Variants in BANK1 observed in about 807,000 individuals in gnomAD.
The protein encoded by BANK1 is B-cell scaffold protein with ankyrin repeats.
In BANK1, 95 loss-of-function variants were observed where a neutral mutation model predicts 94.5. The observed-to-expected ratio is 1.00, with a 90% confidence interval of 0.85 to 1.19. BANK1 has a LOEUF of 1.19. Ranked by LOEUF, BANK1 falls within the 50% of genes most tolerant of loss-of-function variation. The probability of loss-of-function intolerance (pLI) is 0.00; values close to 1 mark genes in which losing one functional copy is unlikely to be tolerated. For synonymous variants in BANK1, 334 were observed against 308.4 expected, an observed-to-expected ratio of 1.08 and a Z score of -0.87; for missense variants, 987 against 932.2, an observed-to-expected ratio of 1.06 and a Z score of -0.77.
intron 2 of BANK1, among the ~76,000 whole-genome samples, chr4:101,854,731 T>C (rs1322985098): frequency 6.6e-6 from 1 of 152,192 alleles, no homozygotes; most frequent in Admixed American, 6.5e-5. Flanking sequence ...TTTACAGATC[T>C]ACTGTTTTAA....
intron 10 of BANK1, among the ~76,000 whole-genome samples, chr4:102,037,250 C>T (rs538553504): frequency 6.6e-6 from 1 of 152,232 alleles, no homozygotes; most frequent in Non-Finnish European, 1.5e-5. Context: ...AAATGTCTTA[C>T]ATGCACTGGA....
chr4:101,911,330 G>T (rs962440709), intron 6 of BANK1, among the ~76,000 whole-genome samples: 3 of 152,162 alleles, frequency 2.0e-5, no homozygotes, highest in African/African-American at 7.2e-5. Context: ...AAGTTTTCCT[G>T]CCTAATTATA....
intron 5 of BANK1, among the ~76,000 whole-genome samples, chr4:101,882,317 T>G (rs1415397034): frequency 2.6e-5 from 4 of 152,208 alleles, no homozygotes; most frequent in Non-Finnish European, 5.9e-5. Context: ...TGAAATTGAA[T>G]AAATGATCTG....
Position 102,072,359 on chromosome 4 carries a change from C to A in BANK1, c.2257C>A (p.His753Asn). Residue 753 changes from histidine to asparagine, a missense_variant, in exon 15 of 17, where the codon CAC becomes AAC. His to Asn is a moderately conservative substitution (Grantham distance 68, BLOSUM62 1). Coordinates refer to ENST00000322953, the MANE Select transcript of BANK1 (RefSeq NM_017935.5). The stretch of plus-strand genomic sequence containing the variant: ...TGTATTTCTAGGTAAGGAAACTGCC[C>A]ACAATGAAAATAAGTTTTATAATGT... ...VHHPGGKETA[H>N]NENKFYNVHF... 6.3e-7 allele frequency: 1 copy of A among 1,593,738 alleles called. No individual in the cohort carries two copies.
At chr4:101,874,689 C>A (rs1728421330) in intron 5 of BANK1, among the ~76,000 whole-genome samples, 1 of 152,160 alleles carries the variant, frequency 6.6e-6, no homozygotes, top group Non-Finnish European at 1.5e-5. Context: ...TTCACAGGCG[C>A]ATCTTTTCCA....
At chr4:101,831,118 C>G (rs1486464006) in intron 2 of BANK1, among the ~76,000 whole-genome samples, 2 of 152,114 alleles carry the variant, frequency 1.3e-5, no homozygotes, top group Non-Finnish European at 2.9e-5. Context: ...GAGATACCTC[C>G]TGGCTGGGTG....
chr4:102,030,645 TG>T, intron 10 of BANK1, among the ~76,000 whole-genome samples: 1 of 149,956 alleles, frequency 6.7e-6, no homozygotes, highest in Non-Finnish European at 1.5e-5. Context: ...TGTGTCCATG[TG>T]TTCTCATCTT....
chr4:101,941,823 T>C (rs1723753490), intron 7 of BANK1, among the ~76,000 whole-genome samples: 1 of 151,856 alleles, frequency 6.6e-6, no homozygotes. Flanking sequence ...TTTTGACAAT[T>C]GAGTACTGCT....
intron 5 of BANK1, among the ~76,000 whole-genome samples, chr4:101,893,032 A>C (rs934721439): frequency 2.0e-5 from 3 of 152,046 alleles, no homozygotes; most frequent in African/African-American, 7.2e-5. Flanking sequence ...ATGATTATTA[A>C]ATTAAAATAG....
intron 2 of BANK1, among the ~76,000 whole-genome samples, chr4:101,842,017 C>A (rs1727067015): frequency 6.6e-6 from 1 of 152,014 alleles, no homozygotes; most frequent in Non-Finnish European, 1.5e-5. Context: ...GAAGAATTTT[C>A]TGGTACTTCA....
intron 2 of BANK1, among the ~76,000 whole-genome samples, chr4:101,840,210 C>T (rs1056805663): frequency 4.6e-5 from 7 of 151,244 alleles, no homozygotes; most frequent in East Asian, 1.9e-4. Context: ...CCTCGTGATC[C>T]GCCCGCCTCG....
chr4:101,887,823 AAATT>A (rs1372226135), intron 5 of BANK1, among the ~76,000 whole-genome samples: 3 of 152,194 alleles, frequency 2.0e-5, no homozygotes, highest in African/African-American at 7.2e-5. Flanking sequence ...TCAAAACAGA[AAATT>A]AAGTTGATAA....
chr4:102,010,086 G>GA (rs1389249187), intron 7 of BANK1, among the ~76,000 whole-genome samples: 2 of 145,698 alleles, frequency 1.4e-5, no homozygotes, highest in Non-Finnish European at 3.1e-5. Flanking sequence ...CTAACACGGT[G>GA]AAACCCGTCT....
At chr4:101,887,747 C>T (rs1003657462) in intron 5 of BANK1, among the ~76,000 whole-genome samples, 4 of 152,024 alleles carry the variant, frequency 2.6e-5, no homozygotes, top group African/African-American at 9.7e-5. Flanking sequence ...AAATCATTTT[C>T]ATTGTTTTAT....
chr4:101,889,492 G>A (rs1467947125), intron 5 of BANK1, among the ~76,000 whole-genome samples: 2 of 150,584 alleles, frequency 1.3e-5, no homozygotes, highest in Non-Finnish European at 3.0e-5. Context: ...CAGCTACTCG[G>A]GAGGCTGAGG....
intron 1 of BANK1, among the ~76,000 whole-genome samples, chr4:101,804,604 C>G (rs1725492398): frequency 6.6e-6 from 1 of 152,110 alleles, no homozygotes; most frequent in Admixed American, 6.5e-5. Context: ...AGTTGCCCAC[C>G]ATTTCAAATG....
intron 12 of BANK1, 133 bp from the exon 13 acceptor site, chr4:102,062,942 G>A: frequency 1.6e-6 from 1 of 640,316 alleles, no homozygotes; most frequent in East Asian, 2.8e-5. Flanking sequence ...ATCAAGGATG[G>A]CAATTGAGAC....
chr4:101,994,047 G>A (rs1326324027), intron 7 of BANK1, among the ~76,000 whole-genome samples: 1 of 152,242 alleles, frequency 6.6e-6, no homozygotes, highest in African/African-American at 2.4e-5. Flanking sequence ...GCACCTCATC[G>A]CACTGGGCTT....
chr4:101,869,279 G>T (rs1728192249), intron 4 of BANK1, among the ~76,000 whole-genome samples: 1 of 151,772 alleles, frequency 6.6e-6, no homozygotes, highest in Non-Finnish European at 1.5e-5. Flanking sequence ...TACTGAAATT[G>T]ATTTCATTTG....
Sources: gnomAD v4.1 joint callset for allele counts (sites outside exome capture counted in the v4.1 genomes callset) on GRCh38, gnomAD v4.1.1 for gene constraint, MANE v1.5 for transcripts, NCBI Gene and HGNC (gene_info 2026-07-23, HGNC 2026-07-21) for gene names.